The following PLXNB1 variants were observed in gnomAD, a reference collection of about 807,000 sequenced individuals.
PLXNB1 encodes the protein plexin-B1.
PLXNB1 carries 106 observed loss-of-function variants against 209.4 expected under a neutral mutation model. The ratio of observed to expected loss-of-function variants is 0.51; its 90% CI spans 0.43 to 0.59. The LOEUF is 0.59. Among genes scored for constraint, PLXNB1 ranks in the 20% least tolerant of loss-of-function variants. The probability of loss-of-function intolerance (pLI) is 0.00; values close to 1 mark genes in which losing one functional copy is unlikely to be tolerated. For missense variants in PLXNB1, 2,357 were observed against 2,853.2 expected (o/e 0.83, Z 3.96); for synonymous variants, 1,167 against 1,183.2 (o/e 0.99, Z 0.28).
In PLXNB1 at chr3:48,413,770, C is replaced by T. The variant is rs781699302; in HGVS notation, c.4435G>A (p.Gly1479Ser). ...RFSLGHVQYD[G>S]ESPGAFPVAA... The stretch of plus-strand genomic sequence containing the variant: ...ACAGGAAAAGCCCCAGGGCTCTCGC[C>T]GTCATACTGCACGTGACCCAGGGAG... Residue 1479 changes from glycine to serine, a missense_variant, in exon 23 of 38, where the codon GGC (glycine) becomes AGC (serine). Coordinates refer to ENST00000296440, the MANE Select transcript of PLXNB1 (RefSeq NM_001130082.3). This position sits in a 1 kb window ranked among gnomAD's most constrained non-coding sequence, Gnocchi z 5.4. 17 of 1,613,892 alleles carry T rather than the reference C, an allele frequency of 1.1e-5. No individual in the cohort carries two copies. In the South Asian group the frequency reaches 1.4e-4, roughly 14 times the overall value.
rs1304894293 is a variant in PLXNB1, at chr3:48,415,866, G to A, written c.3618-107C>T. 1.5e-6 allele frequency: 2 copies of A among 1,330,156 alleles called. No individual in the cohort carries two copies. Among genetic ancestry groups the A allele is most frequent in the Non-Finnish European group, 2.1e-6 (2 of 975,012 alleles). The allele number at this position is 1,330,156 out of a possible 1,614,324, so 82.4% of individuals were successfully genotyped here. ...GCGCTGACTGCAGTCTCCACCAGGT[G>A]TCCCTGGAGGTGCACTCCCACCACA... On this transcript the variant is annotated intron_variant, in intron 18 of 37. Transcript: ENST00000296440. The surrounding 1 kb of genome is among the most constrained non-coding windows in gnomAD (Gnocchi z 5.0).
Position 48,415,923 on chromosome 3 carries a change from A to C in PLXNB1, c.3617+108T>G. On this transcript the variant is annotated intron_variant, in intron 18 of 37. Coordinates refer to ENST00000296440, the MANE Select transcript of PLXNB1 (RefSeq NM_001130082.3). This position sits in a 1 kb window ranked among gnomAD's most constrained non-coding sequence, Gnocchi z 5.0. ...TAGGGAGGGTCTGGCCACTCTCTGA[A>C]GGAGCAGACTGGCCCTCTTCCCCTT... The C allele has an allele frequency of 7.1e-7, 1 of 1,399,204 alleles. No individual in the cohort carries two copies. The highest frequency in any genetic ancestry group is 9.7e-7 in the Non-Finnish European group (1 of 1,030,586). The allele number at this position is 1,399,204 out of a possible 1,614,324, so 86.7% of individuals were successfully genotyped here.
At chr3:48,421,996 G>T in intron 6 of PLXNB1, 109 bp downstream of exon 6, 1 of 1,289,388 alleles carries the variant, frequency 7.8e-7, no homozygotes, top group Non-Finnish European at 1.1e-6. Context: ...GGTGTCTGGG[G>T]ATCAGGGGTT....
At position 48,423,949 on chromosome 3, in the gene PLXNB1, G is replaced by A; in HGVS notation, c.663C>T (p.Ala221=). ...AGTAGGCGCTGGCCCCACGTGCAAA[G>A]GCACTCACGAAGTGGTGGCTGTACT... is the stretch of plus-strand genomic sequence containing the variant. The part of the protein sequence containing the change: ...LSEYSHHFVS[A]FARGASAYFL... The change falls in exon 3 of 38, where the codon GCC becomes GCT. Residue 221 remains alanine (A), a synonymous_variant. Coordinates refer to ENST00000296440, the MANE Select transcript of PLXNB1 (RefSeq NM_001130082.3). 1 of 1,614,078 alleles carries A rather than the reference G, an allele frequency of 6.2e-7. No individual in the cohort carries two copies. The highest frequency in any genetic ancestry group is 8.5e-7 in the Non-Finnish European group (1 of 1,180,000).
Position 48,414,568 on chromosome 3 carries a change from G to A in PLXNB1, c.4209+231C>T, listed in dbSNP as rs1179298052. On this transcript the variant is annotated intron_variant, in intron 21 of 37. Coordinates refer to ENST00000296440, the MANE Select transcript of PLXNB1 (RefSeq NM_001130082.3). ...TACAAATGCAGTCATTCCAGAGCCT[G>A]CCATGGAGTGCATCAGGACCCGGGC... 6.6e-6 allele frequency among the ~76,000 whole-genome samples: 1 copy of A among 152,206 alleles called. No homozygotes were observed. The highest frequency in any genetic ancestry group is 1.5e-5 in the Non-Finnish European group (1 of 68,042).
At chr3:48,422,602 A>C (rs1180547270) in intron 4 of PLXNB1, 143 bp from the exon 5 acceptor site, 1 of 1,268,660 alleles carries the variant, frequency 7.9e-7, no homozygotes, top group Non-Finnish European at 1.1e-6. Context: ...CCTAGCGGGG[A>C]TGGAGGAAAG....
At chr3:48,427,225 G>A (rs1303557536) in intron 1 of PLXNB1, among the ~76,000 whole-genome samples, 2 of 152,120 alleles carry the variant, frequency 1.3e-5, no homozygotes, top group Non-Finnish European at 2.9e-5. Flanking sequence ...GGAGACAACA[G>A]GAAGAAATGG....
In PLXNB1 at chr3:48,421,783, G is replaced by A. The variant is rs560284322; in HGVS notation, c.1544C>T (p.Ser515Leu). Residue 515 changes from serine (S) to leucine (L), a missense_variant, in exon 7 of 38, where the codon TCG (serine) becomes TTG (leucine). Around this residue, in one of 7 missense-constraint regions of PLXNB1, gnomAD observed 214 missense variants for 297.1 expected, o/e 0.72. Transcript: ENST00000296440. ...LGRCSRRSEC[S>L]RGQGPEQWLW... ...CCACTGCTCTGGGCCCTGGCCCCTC[G>A]AGCACTCAGAACGGCGACTGCACCT... is the stretch of plus-strand genomic sequence containing the variant. The A allele has an allele frequency of 1.0e-4, 163 of 1,603,478 alleles. 2 individuals carry two copies. In the South Asian group the frequency reaches 1.4e-3, roughly 14 times the overall value.
In PLXNB1 at chr3:48,424,237, C is replaced by T. The variant is rs1251212211; in HGVS notation, c.375G>A (p.Gly125=). ...HQGVCEQRRL[G]QLEQLLLRPE... ...GCCGCAGCAGCAGCTGCTCGAGCTGCCCCAGGCGCCGCTGTTCACAGACCC... is the reference window on the plus strand; with the variant it reads ...GCCGCAGCAGCAGCTGCTCGAGCTGTCCCAGGCGCCGCTGTTCACAGACCC... The change falls in exon 3 of 38, where the codon GGG becomes GGA. Residue 125 remains glycine (G), a synonymous_variant. Transcript: ENST00000296440. 2 of 1,602,124 alleles carry T rather than the reference C, an allele frequency of 1.2e-6. No homozygotes were observed. Among genetic ancestry groups the T allele is most frequent in the Middle Eastern group, 1.8e-4 (1 of 5,684 alleles).
intron 10 of PLXNB1, 111 bp downstream of exon 10, chr3:48,420,554 G>A: frequency 1.2e-6 from 1 of 848,994 alleles, no homozygotes; most frequent in Non-Finnish European, 1.9e-6. Flanking sequence ...CAGCGGCTCT[G>A]GTGCTCAGGA....
At chr3:48,420,307 G>T in intron 10 of PLXNB1, 50 bp from the exon 11 acceptor site, 1 of 1,138,102 alleles carries the variant, frequency 8.8e-7, no homozygotes, top group Non-Finnish European at 1.3e-6. Flanking sequence ...GCAGGCAGGC[G>T]CGGGACAGGA....
In PLXNB1 at chr3:48,413,282, T is replaced by G. The variant is rs528444634; in HGVS notation, c.4536-113A>C. On this transcript the variant is annotated intron_variant, in intron 23 of 37. Transcript: ENST00000296440. The surrounding 1 kb of genome is among the most constrained non-coding windows in gnomAD (Gnocchi z 5.4). ...CATCCAGCACAGTCCAATGCAGCCA[T>G]GCCAGCCAAGCTCAAGCCTAGCCCA... is the stretch of plus-strand genomic sequence containing the variant. 9.8e-5 allele frequency: 83 copies of G among 844,612 alleles called. No homozygotes were observed. The highest frequency in any genetic ancestry group is 1.5e-4 in the Non-Finnish European group (77 of 512,536). The allele number at this position is 844,612 out of a possible 1,614,324, so 52.3% of individuals were successfully genotyped here. A position where few individuals can be genotyped will look rare whatever the true frequency, so the allele number is the denominator to read the frequency against.
chr3:48,415,038 C>T lies in PLXNB1; in HGVS notation c.3970G>A (p.Glu1324Lys), dbSNP rs1281165624. 6 of 1,612,294 alleles carry T rather than the reference C, an allele frequency of 3.7e-6. No individual in the cohort carries two copies. Among genetic ancestry groups the T allele is most frequent in the Non-Finnish European group, 4.2e-6 (5 of 1,179,194 alleles). Residue 1324 changes from glutamate to lysine, a missense_variant, in exon 21 of 38, where the codon GAG becomes AAG. This residue lies in a region of PLXNB1 where 743 missense variants were observed against 896.2 expected (regional missense o/e 0.83). Transcript: ENST00000296440. The surrounding 1 kb of genome is among the most constrained non-coding windows in gnomAD (Gnocchi z 5.0). ...GAGGAGTTGACATGGCACGGCTCCT[C>T]AAACTGGAAGGAAGACAGGCAGGTT... Reference protein sequence around the residue: ...LGPSCSSQQFEEPCHVNSSQL... With the variant: ...LGPSCSSQQFKEPCHVNSSQL...
intron 7 of PLXNB1, 119 bp from the exon 8 acceptor site, chr3:48,421,503 A>C: frequency 7.9e-7 from 1 of 1,262,092 alleles, no homozygotes; most frequent in Non-Finnish European, 1.1e-6. Context: ...GCCTCCCCAA[A>C]CACCCTCTGG....
In PLXNB1 at chr3:48,409,765, G is replaced by A. The variant is rs763561341; in HGVS notation, c.5779-34C>T. ...AGGAAGAAGCAGAGAGGTGTGGTCA[G>A]CAAAGGGCCCTCAGCAGCAGCCCAG... On this transcript the variant is annotated intron_variant, in intron 32 of 37. Coordinates refer to ENST00000296440, the MANE Select transcript of PLXNB1 (RefSeq NM_001130082.3). This position sits in a 1 kb window ranked among gnomAD's most constrained non-coding sequence, Gnocchi z 5.8. 1 of 1,605,490 alleles carries A rather than the reference G, an allele frequency of 6.2e-7. No individual in the cohort carries two copies. The highest frequency in any genetic ancestry group is 8.5e-7 in the Non-Finnish European group (1 of 1,174,922).
chr3:48,411,868 G>A lies in PLXNB1; in HGVS notation c.5242C>T (p.Pro1748Ser), dbSNP rs754691632. 1.9e-6 allele frequency: 3 copies of A among 1,613,822 alleles called. No homozygotes were observed. Among genetic ancestry groups the A allele is most frequent in the Middle Eastern group, 1.7e-4 (1 of 6,026 alleles). The change falls in exon 28 of 38, where the codon CCC becomes TCC. Residue 1748 changes from proline (P) to serine (S), a missense_variant. Coordinates refer to ENST00000296440, the MANE Select transcript of PLXNB1 (RefSeq NM_001130082.3). This position sits in a 1 kb window ranked among gnomAD's most constrained non-coding sequence, Gnocchi z 4.0. Reference protein sequence around the residue: ...RLLREDVEYRPLTLNALLAVG... With the variant: ...RLLREDVEYRSLTLNALLAVG... ...ACACACTTGCACACCCTCACCAGGG[G>A]ACGGTACTCCACATCCTCTCTGAGC...
At chr3:48,404,699 A>G (rs2037207489) in intron 37 of PLXNB1, 109 bp from the exon 38 acceptor site, 7 of 679,246 alleles carry the variant, frequency 1.0e-5, no homozygotes. Flanking sequence ...TAGGAGGCCA[A>G]GAAACCCAGC....
Position 48,420,974 on chromosome 3 carries a change from G to A in PLXNB1, c.1811-18C>T. On this transcript the variant is annotated intron_variant, in intron 8 of 37. Coordinates refer to ENST00000296440, the MANE Select transcript of PLXNB1 (RefSeq NM_001130082.3). ...TACGTAGTCTGCAGAGGGGGAGAGA[G>A]GGCCAGGGTTAAGCAGCAAGGAGGT... 1.3e-6 allele frequency: 2 copies of A among 1,596,792 alleles called. No individual in the cohort carries two copies. The highest frequency in any genetic ancestry group is 1.7e-6 in the Non-Finnish European group (2 of 1,165,162).
Position 48,423,912 on chromosome 3 carries a change from G to A in PLXNB1, c.700C>T (p.Arg234Trp), listed in dbSNP as rs2038719684. ...CTAGACTGAGCCTGCAGGTCCCGCC[G>A]CAGGAACAGGAAGTAGGCGCTGGCC... ...RGASAYFLFL[R>W]RDLQAQSRAF... Residue 234 changes from arginine to tryptophan, a missense_variant, in exon 3 of 38, where the codon CGG becomes TGG. Around this residue, in one of 7 missense-constraint regions of PLXNB1, gnomAD observed 404 missense variants for 443.6 expected, o/e 0.91. Transcript: ENST00000296440. 6.2e-7 allele frequency: 1 copy of A among 1,614,142 alleles called. No homozygotes were observed. The highest frequency in any genetic ancestry group is 8.5e-7 in the Non-Finnish European group (1 of 1,180,026).
Sources: gnomAD v4.1 joint callset for allele counts (sites outside exome capture counted in the v4.1 genomes callset) on GRCh38, gnomAD v4.1.1 for gene constraint, gnomAD v4.1.1 regional missense constraint, Gnocchi (gnomAD v3.1) non-coding constraint, MANE v1.5 for transcripts, NCBI Gene and HGNC (gene_info 2026-07-23, HGNC 2026-07-21) for gene names.